LHPP: variants seen among roughly 807,000 people sequenced by gnomAD.
LHPP encodes the protein phospholysine phosphohistidine inorganic pyrophosphate phosphatase, also known as hLHPP.
A neutral mutation model predicts 30.3 loss-of-function variants in LHPP; 24 were observed. The observed-to-expected ratio is 0.79, with a 90% CI of 0.57 to 1.11. The LOEUF (loss-of-function observed/expected upper bound fraction) is 1.11, where lower values mean the gene tolerates loss of function less well. Ranked by LOEUF, LHPP falls within the 50% of genes most tolerant of loss-of-function variation. The probability of loss-of-function intolerance (pLI) is 0.00; values close to 1 mark genes in which losing one functional copy is unlikely to be tolerated. For missense variants in LHPP, 356 were observed against 367.2 expected (o/e 0.97, Z 0.25); for synonymous variants, 150 against 157.1 (o/e 0.95, Z 0.34).
chr10:124,566,161 C>A (rs1404036745), intron 6 of LHPP, among the ~76,000 whole-genome samples: 2 of 152,248 alleles, frequency 1.3e-5, no homozygotes, highest in East Asian at 3.9e-4. Flanking sequence ...CCCAGCATCA[C>A]CTTCTCCAGT....
chr10:124,507,114 G>A (rs537297896), intron 5 of LHPP, among the ~76,000 whole-genome samples: 73 of 84,558 alleles, frequency 8.6e-4, no homozygotes, highest in Non-Finnish European at 1.5e-3. Context: ...AGGTGCAGGG[G>A]TAGACAGGAT....
chr10:124,470,460 G>A (rs992395940), intron 1 of LHPP, among the ~76,000 whole-genome samples: 8 of 152,082 alleles, frequency 5.3e-5, no homozygotes, highest in African/African-American at 1.9e-4. Context: ...TCCCCTGTGT[G>A]TCTGGGTGCC....
At chr10:124,539,821 G>A (rs1421007265) in intron 6 of LHPP, among the ~76,000 whole-genome samples, 1 of 151,762 alleles carries the variant, frequency 6.6e-6, no homozygotes, top group Non-Finnish European at 1.5e-5. Context: ...AGGATTGTTT[G>A]AGCCCAGAAG....
chr10:124,480,388 G>A (rs1163170083), intron 1 of LHPP, among the ~76,000 whole-genome samples: 1 of 152,218 alleles, frequency 6.6e-6, no homozygotes, highest in Admixed American at 6.5e-5. Context: ...TGGCTTAAGA[G>A]TCCCAAAGTG....
At position 124,489,509 on chromosome 10, in the gene LHPP, C is replaced by CAGCG. The variant is rs1213197202; in HGVS notation, c.467+935_467+938dup. On this transcript the variant is annotated intron_variant, in intron 3 of 6. Coordinates refer to ENST00000368842, the MANE Select transcript of LHPP (RefSeq NM_022126.4). The stretch of plus-strand genomic sequence containing the variant: ...TCGCTCTGTCACCCAGGCTGGAGTG[C>CAGCG]AGCGGCGTGATCTCGGCTCGCTGCA... Among the ~76,000 whole-genome samples the CAGCG allele has an allele frequency of 1.0e-3, 154 of 152,306 alleles. 1 individual carries two copies. Among genetic ancestry groups the CAGCG allele is most frequent in the African/African-American group, 3.1e-3 (129 of 41,572 alleles).
chr10:124,469,442 G>A (rs1025592424), intron 1 of LHPP, among the ~76,000 whole-genome samples: 2 of 152,008 alleles, frequency 1.3e-5, no homozygotes, highest in Non-Finnish European at 2.9e-5. Flanking sequence ...ACCCCGCATC[G>A]AGGGAGGCCT....
chr10:124,518,462 G>A (rs1041025093), intron 6 of LHPP, among the ~76,000 whole-genome samples: 8 of 152,242 alleles, frequency 5.3e-5, no homozygotes, highest in African/African-American at 1.7e-4. Context: ...CGCTGACAGC[G>A]GACCTCGGGG....
intron 6 of LHPP, among the ~76,000 whole-genome samples, chr10:124,599,248 T>C (rs1022855260): frequency 1.3e-5 from 2 of 151,734 alleles, no homozygotes; most frequent in Admixed American, 6.6e-5. Context: ...TGTGCATGCA[T>C]CATCCTTCCA....
chr10:124,546,523 C>T (rs1589851536), intron 6 of LHPP, among the ~76,000 whole-genome samples: 1 of 152,218 alleles, frequency 6.6e-6, no homozygotes, highest in South Asian at 2.1e-4. Context: ...CTGCCTCACC[C>T]TCCCGAGTAG....
At chr10:124,537,410 C>A (rs751370139) in intron 6 of LHPP, among the ~76,000 whole-genome samples, 1 of 152,218 alleles carries the variant, frequency 6.6e-6, no homozygotes, top group African/African-American at 2.4e-5. Flanking sequence ...TCAGAGATAG[C>A]GGGCAGCAGG....
intron 1 of LHPP, among the ~76,000 whole-genome samples, chr10:124,482,869 G>A (rs534537384): frequency 1.3e-5 from 2 of 152,294 alleles, no homozygotes; most frequent in South Asian, 4.1e-4. Flanking sequence ...CCCTTCCTTT[G>A]CAGGGTCTCT....
Position 124,576,451 on chromosome 10 carries a change from T to C in LHPP, c.717-36813T>C, listed in dbSNP as rs1017050364. On this transcript the variant is annotated intron_variant, in intron 6 of 6. Coordinates refer to ENST00000368842, the MANE Select transcript of LHPP (RefSeq NM_022126.4). The surrounding 1 kb of genome is among the most constrained non-coding windows in gnomAD (Gnocchi z 4.2). ...TGAGCTGCTCCCAGACCCCCTCATA[T>C]CCATCCTGCCTCCAGAACCCCTATA... is the stretch of plus-strand genomic sequence containing the variant. 5.5e-5 allele frequency among the ~76,000 whole-genome samples: 8 copies of C among 146,428 alleles called. No homozygotes were observed. The highest frequency in any genetic ancestry group is 4.1e-4 in the Admixed American group (6 of 14,556).
chr10:124,613,174 G>C, intron 6 of LHPP, 90 bp from the exon 7 acceptor site: 1 of 1,034,110 alleles, frequency 9.7e-7, no homozygotes, highest in South Asian at 1.3e-5. Flanking sequence ...TCAAGCTAAG[G>C]CCAGGCCCAT....
chr10:124,514,562 T>C (rs1954398282), intron 5 of LHPP, among the ~76,000 whole-genome samples: 1 of 152,222 alleles, frequency 6.6e-6, no homozygotes, highest in Non-Finnish European at 1.5e-5. Context: ...AACGTCTTAA[T>C]CTTCGTTTCT....
At chr10:124,608,919 C>T (rs1294269983) in intron 6 of LHPP, among the ~76,000 whole-genome samples, 1 of 152,182 alleles carries the variant, frequency 6.6e-6, no homozygotes, top group Non-Finnish European at 1.5e-5. Context: ...TGGCTGGCAG[C>T]CCCAGGAAGA....
chr10:124,490,266 G>A (rs2133860338), intron 3 of LHPP: 1 of 197,726 alleles, frequency 5.1e-6, no homozygotes, highest in East Asian at 1.6e-4. Flanking sequence ...CAGACCTTTA[G>A]GCCGCAGCCT....
chr10:124,494,597 GC>G (rs565434735), intron 3 of LHPP, among the ~76,000 whole-genome samples: 123 of 152,294 alleles, frequency 8.1e-4, no homozygotes, highest in African/African-American at 2.8e-3. Flanking sequence ...CCTGCAGAGG[GC>G]CTTGCCTGTG....
intron 1 of LHPP, among the ~76,000 whole-genome samples, chr10:124,480,211 G>C (rs2361615): frequency 0.19 from 29,433 of 152,082 alleles, 3,128 homozygotes; most frequent in African/African-American, 0.27. Flanking sequence ...CGGCTCAAAG[G>C]GGGGTGTGGT....
intron 2 of LHPP, among the ~76,000 whole-genome samples, chr10:124,487,307 A>G (rs1178882434): frequency 1.3e-5 from 2 of 152,164 alleles, no homozygotes; most frequent in Non-Finnish European, 2.9e-5. Context: ...GAGGGATTGC[A>G]ATATTTTACA....
Sources: gnomAD v4.1 joint callset for allele counts (sites outside exome capture counted in the v4.1 genomes callset) on GRCh38, gnomAD v4.1.1 for gene constraint, Gnocchi (gnomAD v3.1) non-coding constraint, MANE v1.5 for transcripts, NCBI Gene and HGNC (gene_info 2026-07-23, HGNC 2026-07-21) for gene names.